The following SKAP2 variants were observed in gnomAD, a reference collection of about 807,000 sequenced individuals.
SKAP2 encodes src kinase-associated phosphoprotein 2.
In SKAP2, 28 loss-of-function variants were observed where a neutral mutation model predicts 54.9. The observed-to-expected ratio is 0.51, with a 90% CI of 0.38 to 0.70. SKAP2 has a LOEUF of 0.70. Ranked by LOEUF, SKAP2 falls within the 30% of genes least tolerant of loss-of-function variation. The probability of loss-of-function intolerance (pLI) is 0.00; values close to 1 mark genes in which losing one functional copy is unlikely to be tolerated. For synonymous variants in SKAP2, 137 were observed against 134.3 expected (o/e 1.02, Z -0.14); for missense variants, 356 against 424.1 (o/e 0.84, Z 1.41).
intron 4 of SKAP2, among the ~76,000 whole-genome samples, chr7:26,821,619 A>T (rs1360278259): frequency 1.3e-5 from 2 of 152,144 alleles, no homozygotes; most frequent in Admixed American, 1.3e-4. Flanking sequence ...CTCCCTCTTA[A>T]ATATCTTTGA....
chr7:26,859,930 C>T (rs1018626845), intron 1 of SKAP2, among the ~76,000 whole-genome samples: 3 of 152,076 alleles, frequency 2.0e-5, no homozygotes, highest in Non-Finnish European at 4.4e-5. Flanking sequence ...CTAGCCTATG[C>T]CACTTTTATC....
intron 9 of SKAP2, among the ~76,000 whole-genome samples, chr7:26,714,497 A>AT (rs1389574939): frequency 6.6e-5 from 10 of 152,174 alleles, no homozygotes; most frequent in Non-Finnish European, 1.3e-4. Flanking sequence ...GTTAAATTGG[A>AT]TTTTTTCCCA....
At chr7:26,784,690 C>G (rs1204911637) in intron 4 of SKAP2, among the ~76,000 whole-genome samples, 1 of 152,182 alleles carries the variant, frequency 6.6e-6, no homozygotes, top group Non-Finnish European at 1.5e-5. Context: ...GGCTGACACA[C>G]AGTGGGAGTT....
intron 9 of SKAP2, among the ~76,000 whole-genome samples, chr7:26,714,052 G>A (rs930604224): frequency 6.6e-6 from 1 of 152,174 alleles, no homozygotes; most frequent in Non-Finnish European, 1.5e-5. Context: ...GAGAGTACTG[G>A]TGACTCTGAA....
intron 1 of SKAP2, among the ~76,000 whole-genome samples, chr7:26,863,202 G>C (rs181577337): frequency 6.6e-6 from 1 of 152,158 alleles, no homozygotes; most frequent in East Asian, 1.9e-4. Context: ...ATAATGCCAA[G>C]CACCAAAATT....
rs541643023 is a variant in SKAP2, at chr7:26,824,858, G to A, written c.307+19172C>T. ...ACCCCTGATCTAGACTGTTATTTTG[G>A]CCCCACACAAAAATGACTTGTCCTA... On this transcript the variant is annotated intron_variant, in intron 4 of 12. Coordinates refer to ENST00000345317, the MANE Select transcript of SKAP2 (RefSeq NM_003930.5). Among the ~76,000 whole-genome samples the A allele has an allele frequency of 2.0e-5, 3 of 152,138 alleles. No individual in the cohort carries two copies. In the South Asian group the frequency reaches 6.2e-4, roughly 32 times the overall value.
At chr7:26,755,111 AAT>A (rs1782762113) in intron 4 of SKAP2, among the ~76,000 whole-genome samples, 1 of 152,176 alleles carries the variant, frequency 6.6e-6, no homozygotes, top group South Asian at 2.1e-4. Flanking sequence ...AAAATTTACA[AAT>A]ATGTTTTATC....
chr7:26,718,955 G>A (rs1306656672), intron 9 of SKAP2, among the ~76,000 whole-genome samples: 1 of 152,150 alleles, frequency 6.6e-6, no homozygotes, highest in Non-Finnish European at 1.5e-5. Context: ...GAGGCAGAAG[G>A]ATCACTTGAA....
chr7:26,662,787 C>T (rs1352775557), downstream of SKAP2, among the ~76,000 whole-genome samples: 1 of 152,092 alleles, frequency 6.6e-6, no homozygotes, highest in African/African-American at 2.4e-5. Context: ...AGGATAAACA[C>T]ACAGTTACAC....
At chr7:26,724,401 A>C (rs1235674578) in intron 9 of SKAP2, among the ~76,000 whole-genome samples, 3 of 152,206 alleles carry the variant, frequency 2.0e-5, no homozygotes, top group Non-Finnish European at 4.4e-5. Context: ...TTATAAAGTC[A>C]CTAAGCTAGT....
chr7:26,818,202 A>C (rs1243578717), intron 4 of SKAP2, among the ~76,000 whole-genome samples: 1 of 152,238 alleles, frequency 6.6e-6, no homozygotes, highest in Non-Finnish European at 1.5e-5. Context: ...ACAAGGCTAC[A>C]GTAACCGAAA....
chr7:26,809,168 C>CT (rs1307356645), intron 4 of SKAP2, among the ~76,000 whole-genome samples: 1 of 152,190 alleles, frequency 6.6e-6, no homozygotes, highest in Non-Finnish European at 1.5e-5. Flanking sequence ...AATCCCAGCA[C>CT]TTTGGGAGGC....
At chr7:26,720,193 G>T (rs899761080) in intron 9 of SKAP2, among the ~76,000 whole-genome samples, 1 of 151,962 alleles carries the variant, frequency 6.6e-6, no homozygotes, top group Non-Finnish European at 1.5e-5. Context: ...GCTCCAATTT[G>T]CAAAAATGAG....
chr7:26,830,295 T>A (rs992608499), intron 4 of SKAP2, among the ~76,000 whole-genome samples: 1 of 152,176 alleles, frequency 6.6e-6, no homozygotes, highest in African/African-American at 2.4e-5. Flanking sequence ...GAGTTTCTTT[T>A]TCGTGGAGAT....
At position 26,844,010 on chromosome 7, in the gene SKAP2, C is replaced by A; in HGVS notation, c.307+20G>T. The stretch of plus-strand genomic sequence containing the variant: ...TTGTTTTGTGTGAGTGTCAGAGTTA[C>A]GTGGGAAAATGTCACATACCATCAG... On this transcript the variant is annotated intron_variant, in intron 4 of 12. Transcript: ENST00000345317. The A allele has an allele frequency of 7.0e-7, 1 of 1,423,456 alleles. No individual in the cohort carries two copies. Among genetic ancestry groups the A allele is most frequent in the Non-Finnish European group, 9.9e-7 (1 of 1,007,192 alleles). 88.2% of individuals were successfully genotyped at this position (1,423,456 alleles called of 1,614,324 possible).
chr7:26,823,686 G>A (rs1265535808), intron 4 of SKAP2, among the ~76,000 whole-genome samples: 1 of 152,154 alleles, frequency 6.6e-6, no homozygotes, highest in Non-Finnish European at 1.5e-5. Context: ...AAAAGTGCAA[G>A]GAGTTTGGAA....
At chr7:26,851,757 T>A (rs1255999028) in intron 3 of SKAP2, among the ~76,000 whole-genome samples, 3 of 149,890 alleles carry the variant, frequency 2.0e-5, no homozygotes, top group Non-Finnish European at 4.4e-5. Flanking sequence ...AACTGTAAAA[T>A]CTGTATTGTT....
At chr7:26,698,651 G>A (rs796067839) in intron 9 of SKAP2, among the ~76,000 whole-genome samples, 37 of 152,320 alleles carry the variant, frequency 2.4e-4, no homozygotes, top group African/African-American at 7.9e-4. Context: ...CACCAGATGC[G>A]TAAGAATCTG....
intron 10 of SKAP2, among the ~76,000 whole-genome samples, chr7:26,687,769 T>A (rs1786679851): frequency 6.6e-6 from 1 of 152,142 alleles, no homozygotes; most frequent in Non-Finnish European, 1.5e-5. Context: ...TGTTCACCCC[T>A]AAACACTGAA....
Sources: gnomAD v4.1 joint callset for allele counts (sites outside exome capture counted in the v4.1 genomes callset) on GRCh38, gnomAD v4.1.1 for gene constraint, MANE v1.5 for transcripts, NCBI Gene and HGNC (gene_info 2026-07-23, HGNC 2026-07-21) for gene names.